Variants in LUZP1 observed in about 807,000 individuals in gnomAD.
LUZP1 encodes filamin mechanobinding actin cross-linking protein.
LUZP1 carries 25 observed loss-of-function variants against 71.3 expected under a neutral mutation model. That is an observed-to-expected ratio of 0.35 (90% CI 0.26 to 0.49). The LOEUF is 0.49. LUZP1 is among the 20% of genes least tolerant of loss of function. The probability of loss-of-function intolerance (pLI) is 0.99; values close to 1 mark genes in which losing one functional copy is unlikely to be tolerated. For synonymous variants in LUZP1, 481 were observed against 506.4 expected, an observed-to-expected ratio of 0.95 and a Z score of 0.67; for missense variants, 1,142 against 1,300.8, an observed-to-expected ratio of 0.88 and a Z score of 1.88.
rs376551417 is a variant in LUZP1, at chr1:23,091,509, A to G, written c.2753T>C (p.Val918Ala). Reference sequence around the variant, plus strand: ...ACTCTTCCAGGCATTCCGCACAGTAACATGTCTGGCATCTGAGAAGCCCAC... The same window carrying G: ...ACTCTTCCAGGCATTCCGCACAGTAGCATGTCTGGCATCTGAGAAGCCCAC... Residue 918 changes from valine to alanine, a missense_variant, in exon 4 of 5, where the codon GTT (valine) becomes GCT (alanine). Val to Ala is a moderately conservative substitution (Grantham distance 64, BLOSUM62 0). Transcript: ENST00000302291. 1 of 1,614,146 alleles carries G rather than the reference A, an allele frequency of 6.2e-7. No homozygotes were observed. The highest frequency in any genetic ancestry group is 1.3e-5 in the African/African-American group (1 of 75,044).
At chr1:23,147,612 CAAAAAAAAAAAAA>C (rs774893320) in intron 2 of LUZP1, among the ~76,000 whole-genome samples, 10 of 61,464 alleles carry the variant, frequency 1.6e-4, no homozygotes, top group Non-Finnish European at 2.9e-4. Flanking sequence ...AGTCTCTACC[CAAAAAAAAAAAAA>C]AAAAAAAAAA....
chr1:23,111,789 C>T (rs1313273095), intron 2 of LUZP1, among the ~76,000 whole-genome samples: 3 of 151,384 alleles, frequency 2.0e-5, no homozygotes, highest in Non-Finnish European at 2.9e-5. Flanking sequence ...ACACACACAA[C>T]ACCCACACAC....
intron 3 of LUZP1, among the ~76,000 whole-genome samples, chr1:23,104,771 AC>A (rs1392706310): frequency 6.6e-6 from 1 of 152,202 alleles, no homozygotes; most frequent in Non-Finnish European, 1.5e-5. Flanking sequence ...GGCCAAATTT[AC>A]ATAAAGGGGA....
chr1:23,095,849 T>C (rs1643889296), intron 3 of LUZP1, among the ~76,000 whole-genome samples: 1 of 152,164 alleles, frequency 6.6e-6, no homozygotes, highest in South Asian at 2.1e-4. Context: ...GAAACTAACA[T>C]AAAATGGCCA....
chr1:23,125,979 C>T (rs1644169139), intron 2 of LUZP1, among the ~76,000 whole-genome samples: 1 of 152,168 alleles, frequency 6.6e-6, no homozygotes, highest in South Asian at 2.1e-4. Flanking sequence ...GTACCATTTT[C>T]AAATCTTCTG....
chr1:23,133,319 G>A (rs1331616209), intron 2 of LUZP1: 5 of 152,184 alleles, frequency 3.3e-5, no homozygotes. Flanking sequence ...ACAACCGCCA[G>A]TGTAATAATT....
intron 3 of LUZP1, among the ~76,000 whole-genome samples, chr1:23,095,493 C>T (rs1056734354): frequency 1.3e-5 from 2 of 152,196 alleles, no homozygotes; most frequent in African/African-American, 2.4e-5. Flanking sequence ...GTTTAAACTA[C>T]CACTGAGCTG....
At chr1:23,156,246 G>A (rs1644419963) in intron 2 of LUZP1, among the ~76,000 whole-genome samples, 1 of 152,156 alleles carries the variant, frequency 6.6e-6, no homozygotes, top group African/African-American at 2.4e-5. Context: ...CAGGCATGGT[G>A]GCATGAGCCT....
chr1:23,134,953 A>G (rs567114268), intron 2 of LUZP1, among the ~76,000 whole-genome samples: 2 of 152,230 alleles, frequency 1.3e-5, no homozygotes, highest in South Asian at 2.1e-4. Flanking sequence ...CCCAGCATGC[A>G]GTAGCTATTC....
At chr1:23,091,753 G>A (rs1569856999) in exon 4 of LUZP1, 1 of 1,614,014 alleles carries the variant, frequency 6.2e-7, no homozygotes, top group African/African-American at 1.3e-5. Flanking sequence ...GAGCTGACAT[G>A]GTTGCTAACT....
chr1:23,155,124 A>T (rs193020212), intron 2 of LUZP1, among the ~76,000 whole-genome samples: 1 of 152,314 alleles, frequency 6.6e-6, no homozygotes, highest in Admixed American at 6.5e-5. Flanking sequence ...GAAGCATAAA[A>T]ACTGGTATTC....
At chr1:23,134,556 A>T (rs958676427) in intron 2 of LUZP1, among the ~76,000 whole-genome samples, 7 of 152,054 alleles carry the variant, frequency 4.6e-5, no homozygotes, top group Admixed American at 4.6e-4. Flanking sequence ...AGGCAGGAGG[A>T]CTGCTTGAGC....
intron 3 of LUZP1, among the ~76,000 whole-genome samples, chr1:23,104,486 A>G (rs916353141): frequency 5.3e-5 from 8 of 152,182 alleles, no homozygotes; most frequent in Admixed American, 3.9e-4. Context: ...GCCTGGCCCA[A>G]TGGTAAACAT....
intron 3 of LUZP1, among the ~76,000 whole-genome samples, chr1:23,095,999 C>T (rs1412546870): frequency 1.3e-5 from 2 of 151,946 alleles, no homozygotes; most frequent in African/African-American, 4.8e-5. Context: ...AATTACAAAA[C>T]ACATAAAGAT....
At chr1:23,109,175 A>T (rs529245439) in intron 2 of LUZP1, 48 bp from the exon 2 acceptor site, 1 of 152,350 alleles carries the variant, frequency 6.6e-6, no homozygotes, top group East Asian at 1.9e-4. Context: ...TGCATGAATC[A>T]TACCAAGACT....
At chr1:23,143,622 A>G (rs1396934865) in intron 2 of LUZP1, among the ~76,000 whole-genome samples, 2 of 152,118 alleles carry the variant, frequency 1.3e-5, no homozygotes, top group Non-Finnish European at 2.9e-5. Flanking sequence ...GCGCCAGGCT[A>G]ACTGTTTACC....
chr1:23,163,143 G>C (rs1023109169), intron 2 of LUZP1, among the ~76,000 whole-genome samples: 1 of 151,432 alleles, frequency 6.6e-6, no homozygotes, highest in South Asian at 2.1e-4. Context: ...GGGAGGCTGA[G>C]GGAGAAGAAT....
chr1:23,132,791 T>G (rs1269959511), intron 2 of LUZP1, among the ~76,000 whole-genome samples: 1 of 152,220 alleles, frequency 6.6e-6, no homozygotes, highest in African/African-American at 2.4e-5. Context: ...TAATAAGTAT[T>G]CTATCAACTT....
chr1:23,117,507 TGGGGGGGGGGGCGG>T (rs1203831136), intron 2 of LUZP1, among the ~76,000 whole-genome samples: 1 of 23,090 alleles, frequency 4.3e-5, no homozygotes, highest in Non-Finnish European at 6.7e-5. Context: ...CAGGAAGCCC[TGGGGGGGGGGGCGG>T]GGGGGGGGAA....
Sources: gnomAD v4.1 joint callset for allele counts (sites outside exome capture counted in the v4.1 genomes callset) on GRCh38, gnomAD v4.1.1 for gene constraint, MANE v1.5 for transcripts, NCBI Gene and HGNC (gene_info 2026-07-23, HGNC 2026-07-21) for gene names.